AP1G2: variants seen among roughly 807,000 people sequenced by gnomAD.
The protein encoded by AP1G2 is AP-1 complex subunit gamma-like 2.
Under a neutral mutation model 95.8 loss-of-function variants are expected in AP1G2, and 85 were observed. The ratio of observed to expected loss-of-function variants is 0.89; its 90% CI spans 0.74 to 1.06. The LOEUF is 1.06. Ranked by LOEUF, AP1G2 falls within the 50% of genes least tolerant of loss-of-function variation. The probability of loss-of-function intolerance (pLI) is 0.00; values close to 1 mark genes in which losing one functional copy is unlikely to be tolerated. For synonymous variants in AP1G2, 378 were observed against 400.0 expected, an observed-to-expected ratio of 0.94 and a Z score of 0.66; for missense variants, 967 against 1,005.8, an observed-to-expected ratio of 0.96 and a Z score of 0.52.
Position 23,563,353 on chromosome 14 carries a change from C to T in AP1G2, c.1410+27G>A, listed in dbSNP as rs190256861. 394 of 1,566,070 alleles carry T rather than the reference C, an allele frequency of 2.5e-4. No homozygotes were observed. The African/African-American group carries it at 4.8e-3, about 19-fold the overall frequency. Reference sequence around the variant, plus strand: ...TGGGCAAGGGAGTGGTTGGGCAGCCCTGGGCCTAGGTAGGTGGGAATGGTA... The same window carrying T: ...TGGGCAAGGGAGTGGTTGGGCAGCCTTGGGCCTAGGTAGGTGGGAATGGTA... On this transcript the variant is annotated intron_variant, in intron 14 of 21. Transcript: ENST00000397120.
chr14:23,565,307 T>G (rs933034556), intron 7 of AP1G2, 108 bp from the exon 8 acceptor site: 103 of 1,147,578 alleles, frequency 9.0e-5, no homozygotes, highest in Non-Finnish European at 1.2e-4. Context: ...CCCTAGAGCC[T>G]TCCCCCACCT....
rs778136434 is a variant in AP1G2 at position 23,567,790 on chromosome 14, G to C, written c.-57C>G. The stretch of plus-strand genomic sequence containing the variant: ...CTGCCCCCCAGCGCTTCCTGGTACG[G>C]GGCCGAGCAGGGGTTGGTGCTCCGT... On this transcript the variant is annotated 5_prime_UTR_variant, in exon 1 of 22. Transcript: ENST00000397120. The surrounding 1 kb of genome is among the most constrained non-coding windows in gnomAD (Gnocchi z 5.3). 340 of 999,696 alleles carry C rather than the reference G, an allele frequency of 3.4e-4. 1 individual carries two copies. In the Middle Eastern group the frequency reaches 4.1e-3, roughly 12 times the overall value. The allele number at this position is 999,696 out of a possible 1,614,324, so 61.9% of individuals were successfully genotyped here. A position where few individuals can be genotyped will look rare whatever the true frequency, so the allele number is the denominator to read the frequency against.
Position 23,560,425 on chromosome 14 carries a change from T to A in AP1G2, c.1994-7A>T, listed in dbSNP as rs752182008. The A allele has an allele frequency of 5.6e-6, 9 of 1,609,654 alleles. No homozygotes were observed. Among genetic ancestry groups the A allele is most frequent in the Admixed American group, 1.7e-5 (1 of 59,676 alleles). ...TTGAGATCTGGGATGGGAGCTGGAGTAGGGAGACAGAAGCAGCTCAGTGTG... is the reference window on the plus strand; with the variant it reads ...TTGAGATCTGGGATGGGAGCTGGAGAAGGGAGACAGAAGCAGCTCAGTGTG... On this transcript the variant is annotated splice_region_variant and splice_polypyrimidine_tract_variant and intron_variant, in intron 19 of 21. Coordinates refer to ENST00000397120, the MANE Select transcript of AP1G2 (RefSeq NM_003917.5).
chr14:23,567,407 A>C lies in AP1G2; in HGVS notation c.-5-88T>G. On this transcript the variant is annotated intron_variant, in intron 1 of 21. Transcript: ENST00000397120. This position sits in a 1 kb window ranked among gnomAD's most constrained non-coding sequence, Gnocchi z 5.3. The stretch of plus-strand genomic sequence containing the variant: ...GCCCGTCCTGTGTCAAGACCCTAAG[A>C]GCCCGGGTCCCACAGGTACCCTAAA... The C allele has an allele frequency of 6.8e-7, 1 of 1,466,920 alleles. No homozygotes were observed. Among genetic ancestry groups the C allele is most frequent in the South Asian group, 1.3e-5 (1 of 74,396 alleles). 90.9% of individuals were successfully genotyped at this position (1,466,920 alleles called of 1,614,324 possible). A position where few individuals can be genotyped will look rare whatever the true frequency, so the allele number is the denominator to read the frequency against.
At chr14:23,565,924 G>A (rs2139355236) in intron 5 of AP1G2, 32 bp from the exon 6 acceptor site, 1 of 1,600,088 alleles carries the variant, frequency 6.2e-7, no homozygotes, top group Non-Finnish European at 8.5e-7. Context: ...TGAATGGTGG[G>A]GGCCAGGGGC....
At position 23,562,570 on chromosome 14, in the gene AP1G2, G is replaced by C; in HGVS notation, c.1434C>G (p.Ala478=). The part of the protein sequence containing the change: ...ISQQPLVQVA[A]WCIGEYGDLL... ...GGTCCCCATACTCCCCAATGCACCA[G>C]GCTGCCACCTGCACCAGTGGTTGCT... Residue 478 remains alanine, a synonymous_variant, in exon 15 of 22, where the codon GCC becomes GCG. Coordinates refer to ENST00000397120, the MANE Select transcript of AP1G2 (RefSeq NM_003917.5). The C allele has an allele frequency of 6.2e-7, 1 of 1,614,110 alleles. No individual in the cohort carries two copies. The highest frequency in any genetic ancestry group is 1.1e-5 in the South Asian group (1 of 91,080).
At position 23,564,110 on chromosome 14, in the gene AP1G2, C is replaced by T. The variant is rs1272395742; in HGVS notation, c.1027G>A (p.Ala343Thr). Residue 343 changes from alanine to threonine, a missense_variant, in exon 11 of 22, where the codon GCT (alanine) becomes ACT (threonine). By Grantham distance (58) the Ala-to-Thr change is moderately conservative. Coordinates refer to ENST00000397120, the MANE Select transcript of AP1G2 (RefSeq NM_003917.5). ...ACAGTGGGCCGATGCCGCTGCACAG[C>T]ACTGTGATCAGACTGCACCAGTCGA... Reference protein sequence around the residue: ...LLRLVQSDHSAVQRHRPTVVE... With the variant: ...LLRLVQSDHSTVQRHRPTVVE... The T allele has an allele frequency of 2.5e-6, 4 of 1,614,080 alleles. No individual in the cohort carries two copies. The highest frequency in any genetic ancestry group is 1.3e-5 in the African/African-American group (1 of 74,930).
chr14:23,563,964 C>A, intron 11 of AP1G2, 82 bp downstream of exon 11: 1 of 1,603,542 alleles, frequency 6.2e-7, no homozygotes, highest in East Asian at 2.2e-5. Context: ...CTTACTCCAG[C>A]TGCTCTAAAC....
Position 23,565,803 on chromosome 14 carries a change from T to A in AP1G2, c.645+13A>T. Reference sequence around the variant, plus strand: ...GTCTTCCAGGCCCAGGGCCTGCCCCTTCACCAGCCCACCTTTCGGAAGTGC... The same window carrying A: ...GTCTTCCAGGCCCAGGGCCTGCCCCATCACCAGCCCACCTTTCGGAAGTGC... On this transcript the variant is annotated intron_variant, in intron 6 of 21. Coordinates refer to ENST00000397120, the MANE Select transcript of AP1G2 (RefSeq NM_003917.5). The A allele has an allele frequency of 6.3e-7, 1 of 1,589,460 alleles. No individual in the cohort carries two copies. The highest frequency in any genetic ancestry group is 8.6e-7 in the Non-Finnish European group (1 of 1,166,718).
chr14:23,566,217 T>C, intron 4 of AP1G2, 57 bp from the exon 5 acceptor site: 1 of 1,604,652 alleles, frequency 6.2e-7, no homozygotes, highest in Non-Finnish European at 8.5e-7. Context: ...CTGCATCTAC[T>C]ACTATATAGC....
At chr14:23,560,486 C>G in intron 19 of AP1G2, 68 bp from the exon 20 acceptor site, 1 of 1,517,870 alleles carries the variant, frequency 6.6e-7, no homozygotes, top group East Asian at 2.3e-5. Flanking sequence ...ATTCATTCAA[C>G]AAAAATTGAG....
intron 16 of AP1G2, 106 bp from the exon 17 acceptor site, chr14:23,562,172 C>G: frequency 6.3e-7 from 1 of 1,592,346 alleles, no homozygotes; most frequent in East Asian, 2.2e-5. Flanking sequence ...GGCTCAAAAA[C>G]AAGAACCTAA....
chr14:23,561,203 C>G lies in AP1G2; in HGVS notation c.1993+93G>C. 3 of 1,470,578 alleles carry G rather than the reference C, an allele frequency of 2.0e-6. 1 individual carries two copies. In the South Asian group the frequency reaches 4.6e-5, roughly 23 times the overall value. The allele number at this position is 1,470,578 out of a possible 1,614,324, so 91.1% of individuals were successfully genotyped here. The stretch of plus-strand genomic sequence containing the variant: ...GGGATGGGGGACACACAGGAAGAAG[C>G]AGGGTCCATGAGCCTCAGCCCTTGG... On this transcript the variant is annotated intron_variant, in intron 19 of 21. Transcript: ENST00000397120.
chr14:23,565,969 C>T (rs745733165), intron 5 of AP1G2, 77 bp from the exon 6 acceptor site: 1 of 1,609,610 alleles, frequency 6.2e-7, no homozygotes, highest in Admixed American at 1.7e-5. Context: ...TGTGTGTGTG[C>T]ACTACCCTTC....
chr14:23,561,346 C>T lies in AP1G2; in HGVS notation c.1943G>A (p.Gly648Glu). The change falls in exon 19 of 22, where the codon GGA becomes GAA. Residue 648 changes from glycine to glutamate, a missense_variant. Physicochemically the swap from Gly to Glu is moderately conservative, Grantham distance 98. Coordinates refer to ENST00000397120, the MANE Select transcript of AP1G2 (RefSeq NM_003917.5). ...QHPPHLDPSPGGALVHLLDLP... is the reference protein window; with the variant it reads ...QHPPHLDPSPEGALVHLLDLP... ...GTCAAGCAGGTGTACCAGGGCACCT[C>T]CTGGGGAGGGGTCCAGATGGGGAGG... is the stretch of plus-strand genomic sequence containing the variant. 1 of 1,585,276 alleles carries T rather than the reference C, an allele frequency of 6.3e-7. No individual in the cohort carries two copies. Among genetic ancestry groups the T allele is most frequent in the Non-Finnish European group, 8.6e-7 (1 of 1,164,316 alleles).
chr14:23,565,149 G>GC lies in AP1G2; in HGVS notation c.791dup (p.Ser264ArgfsTer3), dbSNP rs1887165391. 5 of 1,614,236 alleles carry GC rather than the reference G, an allele frequency of 3.1e-6. No homozygotes were observed. The highest frequency in any genetic ancestry group is 2.5e-6 in the Non-Finnish European group (3 of 1,180,038). On this transcript the variant is annotated frameshift_variant, in exon 8 of 22. Transcript: ENST00000397120. LOFTEE classifies it high-confidence loss of function. ...CCAGCAAGTCATTCATGGTCTCACTGCTCTCCTCGTGGTTCCGGCCCAGGA... is the reference window on the plus strand; with the variant it reads ...CCAGCAAGTCATTCATGGTCTCACTGCCTCTCCTCGTGGTTCCGGCCCAGGA...
chr14:23,563,725 G>T lies in AP1G2; in HGVS notation c.1223C>A (p.Ala408Asp). Reference sequence around the variant, plus strand: ...CTCCTGGGCACCTCACCTCTCTGCAGCCAGCAGGATGCCTGAGGCACAGTC... The same window carrying T: ...CTCCTGGGCACCTCACCTCTCTGCATCCAGCAGGATGCCTGAGGCACAGTC... Reference protein sequence around the residue: ...RADCASGILLAAERFAPTKRW... With the variant: ...RADCASGILLDAERFAPTKRW... The change falls in exon 12 of 22, where the codon GCT (alanine) becomes GAT (aspartate). Residue 408 changes from alanine to aspartate, a missense_variant. Transcript: ENST00000397120. The T allele has an allele frequency of 6.2e-7, 1 of 1,614,182 alleles. No individual in the cohort carries two copies. The highest frequency in any genetic ancestry group is 8.5e-7 in the Non-Finnish European group (1 of 1,180,006).
At chr14:23,566,795 C>T (rs1888245759) in intron 2 of AP1G2, 109 bp from the exon 3 acceptor site, 2 of 1,436,446 alleles carry the variant, frequency 1.4e-6, no homozygotes, top group East Asian at 2.3e-5. Flanking sequence ...GGCATCATAT[C>T]TCATCACTCT....
At chr14:23,561,793 T>C (rs1884835162) in intron 17 of AP1G2, 158 bp from the exon 18 acceptor site, 2 of 1,464,484 alleles carry the variant, frequency 1.4e-6, no homozygotes, top group East Asian at 5.0e-5. Flanking sequence ...GATTTTCAGA[T>C]GAACAAGGAG....
Sources: gnomAD v4.1 joint callset for allele counts on GRCh38, gnomAD v4.1.1 for gene constraint, Gnocchi (gnomAD v3.1) non-coding constraint, MANE v1.5 for transcripts, NCBI Gene and HGNC (gene_info 2026-07-23, HGNC 2026-07-21) for gene names.